CNTRL: variants seen among roughly 807,000 people sequenced by gnomAD.
The protein encoded by CNTRL is centriolin, also known as 110 kDa centrosomal protein.
In CNTRL, 233 loss-of-function variants were observed where a neutral mutation model predicts 303.7. The observed-to-expected ratio is 0.77, with a 90% CI of 0.69 to 0.86. The LOEUF (loss-of-function observed/expected upper bound fraction) is 0.86, where lower values mean the gene tolerates loss of function less well. Among genes scored for constraint, CNTRL ranks in the 40% least tolerant of loss-of-function variants. CNTRL has a pLI of 0.00. For synonymous variants in CNTRL, 900 were observed against 922.2 expected (o/e 0.98, Z 0.44); for missense variants, 2,524 against 2,650.6 (o/e 0.95, Z 1.05).
At chr9:121,096,660 G>T in intron 6 of CNTRL, 97 bp downstream of exon 6, 1 of 1,044,664 alleles carries the variant, frequency 9.6e-7, no homozygotes, top group South Asian at 3.0e-5. Context: ...TTCTTTTAAA[G>T]ATTTTGCTCC....
Position 121,157,508 on chromosome 9 carries a change from A to T in CNTRL, c.4404A>T (p.Arg1468Ser). The T allele has an allele frequency of 1.2e-6, 2 of 1,614,032 alleles. No individual in the cohort carries two copies. Among genetic ancestry groups the T allele is most frequent in the Non-Finnish European group, 1.7e-6 (2 of 1,179,984 alleles). The change falls in exon 28 of 44, where the codon AGA (arginine) becomes AGT (serine). Residue 1468 changes from arginine to serine, a missense_variant. Coordinates refer to ENST00000373855, the MANE Select transcript of CNTRL (RefSeq NM_007018.6). ...TTGAAAAGTTCACTGATGCCAAGAG[A>T]AGTTTATTGCAAACTGAGTCAGATG... ...NAVEKFTDAK[R>S]SLLQTESDAE...
chr9:121,129,256 A>G (rs1490298842), intron 14 of CNTRL, among the ~76,000 whole-genome samples: 1 of 152,142 alleles, frequency 6.6e-6, no homozygotes, highest in African/African-American at 2.4e-5. Flanking sequence ...CACGGTATTG[A>G]TTCTTCCTAC....
chr9:121,134,987 C>G (rs993567731), intron 14 of CNTRL, among the ~76,000 whole-genome samples: 1 of 152,158 alleles, frequency 6.6e-6, no homozygotes, highest in African/African-American at 2.4e-5. Context: ...AAACAAGCAG[C>G]CCAAATGATT....
At chr9:121,134,289 TATTA>T (rs2051051050) in intron 14 of CNTRL, among the ~76,000 whole-genome samples, 1 of 102,100 alleles carries the variant, frequency 9.8e-6, no homozygotes, top group Non-Finnish European at 1.9e-5. Flanking sequence ...CTAATATCAT[TATTA>T]TTTTTTTTTT....
In CNTRL at chr9:121,103,002, C is replaced by T. The variant is rs144180928; in HGVS notation, c.808+4430C>T. The stretch of plus-strand genomic sequence containing the variant: ...GGTAATTTATAGATTCAATGCCATC[C>T]CCATCAAGCTACCAATGACTTTCTT... On this transcript the variant is annotated intron_variant, in intron 7 of 43. Transcript: ENST00000373855. Among the ~76,000 whole-genome samples the T allele has an allele frequency of 9.4e-3, 1,429 of 152,228 alleles. 26 individuals are homozygous for T. The highest frequency in any genetic ancestry group is 0.033 in the African/African-American group (1,353 of 41,518).
intron 8 of CNTRL, 45 bp downstream of exon 8, chr9:121,108,040 A>C: frequency 7.4e-7 from 1 of 1,345,438 alleles, no homozygotes; most frequent in Middle Eastern, 2.0e-4. Flanking sequence ...CTCATAAGAC[A>C]GATAATTCTT....
At position 121,148,774 on chromosome 9, in the gene CNTRL, A is replaced by C. The variant is rs1283403031; in HGVS notation, c.3562A>C (p.Lys1188Gln). ...RKPRPGQQDG[K>Q]EGSQPPPASG... The stretch of plus-strand genomic sequence containing the variant: ...ACCACGCCCTGGGCAGCAGGATGGG[A>C]AGGAAGGCAGTCAACCTCCCCCTGC... Residue 1188 changes from lysine to glutamine, a missense_variant, in exon 24 of 44, where the codon AAG becomes CAG. Physicochemically the swap from Lys to Gln is moderately conservative, Grantham distance 53 (BLOSUM62 1). Transcript: ENST00000373855. 5.6e-6 allele frequency: 9 copies of C among 1,614,086 alleles called. No homozygotes were observed. Among genetic ancestry groups the C allele is most frequent in the African/African-American group, 1.3e-5 (1 of 75,024 alleles).
chr9:121,159,901 A>G (rs2052767677), intron 31 of CNTRL, among the ~76,000 whole-genome samples: 1 of 152,134 alleles, frequency 6.6e-6, no homozygotes, highest in South Asian at 2.1e-4. Flanking sequence ...CTCTCTATAG[A>G]CGTTGCCTTG....
In CNTRL at chr9:121,150,350, C is replaced by T. The variant is rs967045297; in HGVS notation, c.3830C>T (p.Thr1277Ile). The change falls in exon 25 of 44, where the codon ACC becomes ATC. Residue 1277 changes from threonine to isoleucine, a missense_variant. By Grantham distance (89) the Thr-to-Ile change is moderately conservative (BLOSUM62 -1). Transcript: ENST00000373855. ...TTGCCAAACAATAGCCGACCTCTCA[C>T]CCCTGGCACTGTTGTTTATGGCCCA... ...PPLPNNSRPL[T>I]PGTVVYGPPP... is the part of the protein sequence containing the mutation. 1 of 1,614,206 alleles carries T rather than the reference C, an allele frequency of 6.2e-7. No individual in the cohort carries two copies. The highest frequency in any genetic ancestry group is 2.2e-5 in the East Asian group (1 of 44,872).
rs772409996 is a variant in CNTRL at position 121,154,889 on chromosome 9, T to A, written c.4341T>A (p.Ser1447Arg). ...ACCGACTCCTGGCAGAGGCTGAGAG[T>A]GAACTTTCATGCACTAAAGAAAAGG... is the stretch of plus-strand genomic sequence containing the variant. ...EADRLLAEAE[S>R]ELSCTKEKTK... Residue 1447 changes from serine (S) to arginine (R), a missense_variant, in exon 27 of 44, where the codon AGT becomes AGA. By Grantham distance (110) the Ser-to-Arg change is moderately radical (BLOSUM62 -1). Transcript: ENST00000373855. The A allele has an allele frequency of 6.2e-7, 1 of 1,613,966 alleles. No homozygotes were observed. Among genetic ancestry groups the A allele is most frequent in the Non-Finnish European group, 8.5e-7 (1 of 1,179,952 alleles).
intron 14 of CNTRL, among the ~76,000 whole-genome samples, chr9:121,135,428 A>T (rs1344172266): frequency 6.6e-6 from 1 of 152,258 alleles, no homozygotes; most frequent in African/African-American, 2.4e-5. Flanking sequence ...TATTGTGAAG[A>T]TACAATGAAA....
intron 10 of CNTRL, 41 bp downstream of exon 10, chr9:121,113,765 A>G: frequency 7.5e-7 from 1 of 1,325,818 alleles, no homozygotes; most frequent in Non-Finnish European, 9.9e-7. Context: ...AAAAAATATG[A>G]AAACATTGAA....
At chr9:121,076,095 C>T (rs1310342191) in intron 1 of CNTRL, among the ~76,000 whole-genome samples, 1 of 152,234 alleles carries the variant, frequency 6.6e-6, no homozygotes, top group Non-Finnish European at 1.5e-5. Context: ...AACCTCTGCT[C>T]TCTTGTAGCT....
intron 42 of CNTRL, 40 bp downstream of exon 42, chr9:121,173,777 TG>T: frequency 6.4e-7 from 1 of 1,563,390 alleles, no homozygotes; most frequent in Middle Eastern, 1.7e-4. Context: ...TATGAGATAC[TG>T]GGCACATTGG....
intron 12 of CNTRL, 151 bp downstream of exon 12, chr9:121,118,691 C>A: frequency 2.0e-6 from 1 of 501,584 alleles, no homozygotes; most frequent in Non-Finnish European, 3.3e-6. Context: ...CCTCCATATC[C>A]ATGGGTTCTG....
intron 30 of CNTRL, 80 bp from the exon 31 acceptor site, chr9:121,158,775 C>T (rs186369000): frequency 2.2e-6 from 3 of 1,352,918 alleles, no homozygotes; most frequent in African/African-American, 2.9e-5. Context: ...GATTTTACCT[C>T]ACAACTAAAT....
At chr9:121,100,406 A>T (rs2049097608) in intron 7 of CNTRL, among the ~76,000 whole-genome samples, 1 of 152,236 alleles carries the variant, frequency 6.6e-6, no homozygotes, top group Admixed American at 6.5e-5. Context: ...CTCCTGAAGG[A>T]AGCACTAAAC....
chr9:121,136,186 C>G (rs2051182422), intron 15 of CNTRL, among the ~76,000 whole-genome samples: 1 of 152,140 alleles, frequency 6.6e-6, no homozygotes, highest in Non-Finnish European at 1.5e-5. Flanking sequence ...GTTCATAGCT[C>G]TGAGCCTCCC....
chr9:121,136,166 G>A (rs1158510418), intron 15 of CNTRL, among the ~76,000 whole-genome samples, 184 bp downstream of exon 15: 1 of 152,072 alleles, frequency 6.6e-6, no homozygotes, highest in Non-Finnish European at 1.5e-5. Flanking sequence ...GTGTGAACAC[G>A]GGCAAATCAG....
Sources: allele counts gnomAD v4.1 joint callset (sites outside exome capture counted in the v4.1 genomes callset), GRCh38; gene constraint gnomAD v4.1.1; transcripts MANE v1.5; gene names NCBI Gene and HGNC (gene_info 2026-07-23, HGNC 2026-07-21).